Variants in LRRC27 observed in about 807,000 individuals in gnomAD.
LRRC27 encodes leucine rich repeat containing 27.
A neutral mutation model predicts 55.0 loss-of-function variants in LRRC27; 57 were observed. The ratio of observed to expected loss-of-function variants is 1.04; its 90% confidence interval spans 0.84 to 1.29. The LOEUF (loss-of-function observed/expected upper bound fraction) is 1.29, where lower values mean the gene tolerates loss of function less well. Ranked by LOEUF, LRRC27 falls within the 50% of genes most tolerant of loss-of-function variation. The pLI is 0.00. For synonymous variants in LRRC27, 278 were observed against 251.9 expected (o/e 1.10, Z -0.98); for missense variants, 721 against 651.5 (o/e 1.11, Z -1.16).
At chr10:132,358,099 A>G (rs755906027) in intron 8 of LRRC27, among the ~76,000 whole-genome samples, 23 of 152,256 alleles carry the variant, frequency 1.5e-4, no homozygotes, top group Non-Finnish European at 2.8e-4. Flanking sequence ...AAATGTTCAT[A>G]TCTAATATAC....
intron 5 of LRRC27, among the ~76,000 whole-genome samples, chr10:132,347,687 T>G (rs532489010): frequency 4.1e-5 from 5 of 122,042 alleles, no homozygotes; most frequent in South Asian, 5.8e-4. Context: ...CGCCCGGTGG[T>G]GCCTGCGGGG....
In LRRC27 at chr10:132,351,671, C is replaced by T. The variant is rs200888520; in HGVS notation, c.991C>T (p.Arg331Ter). ...CTTGTCACCGTACCAAATGGCGATC[C>T]GAGCAAAAAGACTGGAAGAGAGCCG... ...DLLSPYQMAIRAKRLEESRAA... is the reference protein window; with the variant it reads ...DLLSPYQMAI Residue 331 changes from arginine to a stop codon, truncating the protein, a stop_gained, in exon 7 of 11, where the codon CGA (arginine) becomes TGA (stop). Transcript: ENST00000368614. LOFTEE classifies it high-confidence loss of function. The T allele has an allele frequency of 8.7e-6, 14 of 1,613,918 alleles. No homozygotes were observed. The highest frequency in any genetic ancestry group is 2.2e-5 in the South Asian group (2 of 91,090).
At chr10:132,344,183 G>T (rs2748392) in intron 4 of LRRC27, among the ~76,000 whole-genome samples, 62,949 of 152,006 alleles carry the variant, frequency 0.41, 13,388 homozygotes, top group African/African-American at 0.49. Context: ...GTTTTTATGT[G>T]GAAAATGGGC....
chr10:132,357,385 G>A (rs1044858273), intron 8 of LRRC27, among the ~76,000 whole-genome samples: 2 of 152,228 alleles, frequency 1.3e-5, no homozygotes, highest in African/African-American at 4.8e-5. Flanking sequence ...AATGCTTTCA[G>A]AGCTGAATTA....
chr10:132,331,696 C>G (rs755951426), upstream of LRRC27: 1 of 1,612,792 alleles, frequency 6.2e-7, no homozygotes, highest in Non-Finnish European at 8.5e-7. Context: ...AGCAGCCCCG[C>G]CCGCCCCGGG....
rs555207511 is a variant in LRRC27 at position 132,342,310 on chromosome 10, A to G, written c.400+39A>G. 26 of 1,330,938 alleles carry G rather than the reference A, an allele frequency of 2.0e-5. No individual in the cohort carries two copies. The African/African-American group carries it at 2.8e-4, about 14-fold the overall frequency. The allele number at this position is 1,330,938 out of a possible 1,614,324, so 82.4% of individuals were successfully genotyped here. A position where few individuals can be genotyped will look rare whatever the true frequency, so the allele number is the denominator to read the frequency against. ...AATAAAAAGATGATTTTAAAATGCTATCTTTTGAACTTGCCAGACCTTGTA... is the reference window on the plus strand; with the variant it reads ...AATAAAAAGATGATTTTAAAATGCTGTCTTTTGAACTTGCCAGACCTTGTA... On this transcript the variant is annotated intron_variant, in intron 4 of 10. Coordinates refer to ENST00000368614, the MANE Select transcript of LRRC27 (RefSeq NM_030626.3).
rs1028863776 is a variant in LRRC27 at position 132,333,675 on chromosome 10, G to C, written c.151G>C (p.Asp51His). Residue 51 changes from aspartate to histidine, a missense_variant, in exon 2 of 11, where the codon GAC becomes CAC. Coordinates refer to ENST00000368614, the MANE Select transcript of LRRC27 (RefSeq NM_030626.3). ...CATCTTTTCCTCCTCACCGATTTTA[G>C]ACTTGAGTGAAAGTGGTCTGTGCCG... ...GIIFSSSPIL[D>H]LSESGLCRLE... 2.5e-6 allele frequency: 4 copies of C among 1,613,708 alleles called. No homozygotes were observed. Among genetic ancestry groups the C allele is most frequent in the East Asian group, 2.2e-5 (1 of 44,900 alleles).
chr10:132,331,136 G>C (rs1183192971), upstream of LRRC27, among the ~76,000 whole-genome samples: 1 of 147,132 alleles, frequency 6.8e-6, no homozygotes, highest in Admixed American at 7.0e-5. Context: ...GGGAGGCGGA[G>C]GTCGCAGTGG....
intron 2 of LRRC27, among the ~76,000 whole-genome samples, chr10:132,334,781 C>G (rs1220751545): frequency 6.6e-6 from 1 of 152,156 alleles, no homozygotes; most frequent in African/African-American, 2.4e-5. Flanking sequence ...AATAAGGGAT[C>G]CAGCAGAGCC....
At chr10:132,340,614 A>G (rs1046813740) in intron 3 of LRRC27, among the ~76,000 whole-genome samples, 2 of 152,232 alleles carry the variant, frequency 1.3e-5, no homozygotes, top group Non-Finnish European at 2.9e-5. Context: ...CCACATTGAA[A>G]TAATCCACTT....
chr10:132,337,402 A>G (rs887445428), intron 2 of LRRC27, 163 bp from the exon 3 acceptor site: 6 of 1,399,146 alleles, frequency 4.3e-6, no homozygotes, highest in Non-Finnish European at 5.5e-6. Context: ...TCTTTTGTCT[A>G]CTGTTTACAT....
chr10:132,344,015 T>C (rs937568200), intron 4 of LRRC27, among the ~76,000 whole-genome samples: 26 of 152,254 alleles, frequency 1.7e-4, no homozygotes, highest in Non-Finnish European at 2.9e-4. Context: ...TATTTTCTTC[T>C]AATTAAACAC....
At position 132,347,995 on chromosome 10, in the gene LRRC27, G is replaced by A. The variant is rs116121322; in HGVS notation, c.565G>A (p.Val189Ile). The A allele has an allele frequency of 1.8e-4, 284 of 1,608,016 alleles. 3 individuals carry two copies. The East Asian group carries it at 4.6e-3, about 26-fold the overall frequency. ...TCTTACTCTCCCAGAGGCTCCACCG[G>A]TTAGAGAGATGACCCTCCGTGACCT... The part of the protein sequence containing the change: ...RNPTSQEAPP[V>I]REMTLRDLPS... Residue 189 changes from valine (V) to isoleucine (I), a missense_variant, in exon 6 of 11, where the codon GTT (valine) becomes ATT (isoleucine). By Grantham distance (29) the Val-to-Ile change is conservative. Transcript: ENST00000368614.
In LRRC27 at chr10:132,376,468, G is replaced by GT. The variant is rs1317871060; in HGVS notation, c.*1229dup. On this transcript the variant is annotated 3_prime_UTR_variant, in exon 11 of 11. Transcript: ENST00000368614. Reference sequence around the variant, plus strand: ...CGGCCCAGCGGCTGGAGCAGCAGACGTTTGCCATTTCTCACGCCTGAGGGC... The same window carrying GT: ...CGGCCCAGCGGCTGGAGCAGCAGACGTTTTGCCATTTCTCACGCCTGAGGGC... 6.6e-6 allele frequency: 1 copy of GT among 152,290 alleles called. No homozygotes were observed. The highest frequency in any genetic ancestry group is 1.5e-5 in the Non-Finnish European group (1 of 68,056). 9.4% of individuals were successfully genotyped at this position (152,290 alleles called of 1,614,324 possible).
At chr10:132,351,272 G>T in intron 6 of LRRC27, 1 of 242,302 alleles carries the variant, frequency 4.1e-6, no homozygotes, top group South Asian at 5.8e-5. Flanking sequence ...GGTCAGACAA[G>T]GGTGCGGCAT....
intron 1 of LRRC27, among the ~76,000 whole-genome samples, 170 bp from the exon 2 acceptor site, chr10:132,333,307 T>C (rs7099831): frequency 0.2 from 23,930 of 118,106 alleles, 2,245 homozygotes; most frequent in Middle Eastern, 0.26. Flanking sequence ...TGAACCTCTT[T>C]GTATTCCTTT....
rs115428351 is a variant in LRRC27, at chr10:132,365,442, T to C, written c.1308T>C (p.Asn436=). The C allele has an allele frequency of 6.2e-6, 10 of 1,613,420 alleles. No homozygotes were observed. The East Asian group carries it at 1.3e-4, about 22-fold the overall frequency. Residue 436 remains asparagine (N), a synonymous_variant, in exon 10 of 11, where the codon AAT becomes AAC. Coordinates refer to ENST00000368614, the MANE Select transcript of LRRC27 (RefSeq NM_030626.3). ...TTCTCAGTGCCCTGCAGGAGAGAAA[T>C]TTAGAAGAGAAGATAAAACAGCACG... ...SKEMSALQER[N]LEEKIKQHVL...
intron 10 of LRRC27, among the ~76,000 whole-genome samples, chr10:132,368,711 A>G (rs1229686698): frequency 6.6e-6 from 1 of 152,250 alleles, no homozygotes; most frequent in Non-Finnish European, 1.5e-5. Context: ...ACAAGATAAC[A>G]TAGGAGAAAA....
At chr10:132,365,350 C>T in intron 9 of LRRC27, 74 bp from the exon 10 acceptor site, 20 of 1,585,516 alleles carry the variant, frequency 1.3e-5, no homozygotes, top group Non-Finnish European at 1.6e-5. Flanking sequence ...TGCTTTCTCC[C>T]TGGTTATGGC....
Sources: allele counts gnomAD v4.1 joint callset (sites outside exome capture counted in the v4.1 genomes callset), GRCh38; gene constraint gnomAD v4.1.1; transcripts MANE v1.5; gene names NCBI Gene and HGNC (gene_info 2026-07-23, HGNC 2026-07-21).